PTPRQ: variants seen among roughly 807,000 people sequenced by gnomAD.
PTPRQ encodes phosphatidylinositol phosphatase PTPRQ.
PTPRQ carries 199 observed loss-of-function variants against 246.0 expected under a neutral mutation model. That is an observed-to-expected ratio of 0.81 (90% CI 0.72 to 0.91). The LOEUF (loss-of-function observed/expected upper bound fraction) is 0.91, where lower values mean the gene tolerates loss of function less well. Ranked by LOEUF, PTPRQ falls within the 40% of genes least tolerant of loss-of-function variation. PTPRQ has a pLI of 0.00. For synonymous variants in PTPRQ, 869 were observed against 853.2 expected (o/e 1.02, Z -0.32); for missense variants, 2,624 against 2,528.4 (o/e 1.04, Z -0.81).
chr12:80,676,650 A>G (rs570543393), intron 43 of PTPRQ, among the ~76,000 whole-genome samples: 1 of 152,118 alleles, frequency 6.6e-6, no homozygotes, highest in Non-Finnish European at 1.5e-5. Flanking sequence ...GCAAACAACA[A>G]CAACAACAAA....
chr12:80,528,419 G>A (rs1190085845), intron 17 of PTPRQ, among the ~76,000 whole-genome samples: 2 of 151,898 alleles, frequency 1.3e-5, no homozygotes, highest in Admixed American at 6.6e-5. Flanking sequence ...TATATTTTAG[G>A]CCCTCAATAA....
intron 17 of PTPRQ, among the ~76,000 whole-genome samples, chr12:80,513,225 T>C (rs1053645670): frequency 6.6e-6 from 1 of 152,080 alleles, no homozygotes; most frequent in African/African-American, 2.4e-5. Flanking sequence ...GCACGATTTA[T>C]TGAGTGGAGA....
intron 3 of PTPRQ, among the ~76,000 whole-genome samples, chr12:80,452,286 A>ACAGCACACTGATGGGTCTTGACT (rs1892790928): frequency 6.6e-6 from 1 of 151,108 alleles, no homozygotes; most frequent in African/African-American, 2.4e-5. Flanking sequence ...TTTCCTGAAT[A>ACAGCACACTGATGGGTCTTGACT]CAGCACACTG....
At chr12:80,457,905 T>C (rs1356857395) in intron 4 of PTPRQ, among the ~76,000 whole-genome samples, 2 of 152,008 alleles carry the variant, frequency 1.3e-5, no homozygotes, top group African/African-American at 4.8e-5. Flanking sequence ...CATAGACTTA[T>C]CATATAAAAA....
chr12:80,664,272 A>G (rs2121267606), intron 39 of PTPRQ, among the ~76,000 whole-genome samples: 1 of 151,922 alleles, frequency 6.6e-6, no homozygotes, highest in South Asian at 2.1e-4. Context: ...TATATTCCTC[A>G]TTTTCACCTA....
chr12:80,484,306 C>G (rs960805213), intron 8 of PTPRQ, 127 bp from the exon 9 acceptor site: 41 of 1,201,750 alleles, frequency 3.4e-5, no homozygotes, highest in Non-Finnish European at 4.6e-5. Flanking sequence ...CGCACCTAGC[C>G]TAGTCTGTTT....
At chr12:80,513,540 G>A (rs765920279) in intron 17 of PTPRQ, among the ~76,000 whole-genome samples, 10 of 152,088 alleles carry the variant, frequency 6.6e-5, no homozygotes, top group Non-Finnish European at 1.0e-4. Flanking sequence ...TGGTGGGCCA[G>A]GGTGGTGTTG....
At chr12:80,508,421 G>T (rs1243055426) in intron 16 of PTPRQ, among the ~76,000 whole-genome samples, 1 of 151,994 alleles carries the variant, frequency 6.6e-6, no homozygotes, top group African/African-American at 2.4e-5. Context: ...GTTACTCTGG[G>T]GTGTGAGGTA....
chr12:80,612,622 T>G (rs1479100346), intron 28 of PTPRQ, among the ~76,000 whole-genome samples: 1 of 150,486 alleles, frequency 6.6e-6, no homozygotes, highest in African/African-American at 2.4e-5. Context: ...AAAATAATTT[T>G]GCAGCCACTT....
At chr12:80,517,498 T>C (rs1592604971) in intron 17 of PTPRQ, among the ~76,000 whole-genome samples, 2 of 152,272 alleles carry the variant, frequency 1.3e-5, no homozygotes, top group East Asian at 3.9e-4. Flanking sequence ...GTCCTTAGTG[T>C]TATAAACAAT....
intron 17 of PTPRQ, among the ~76,000 whole-genome samples, chr12:80,524,363 C>T (rs930552334): frequency 4.6e-5 from 7 of 152,030 alleles, no homozygotes; most frequent in South Asian, 2.1e-4. Flanking sequence ...TTGCCTGTCG[C>T]CATTAAGACA....
At chr12:80,670,825 A>G (rs1401389457) in intron 42 of PTPRQ, among the ~76,000 whole-genome samples, 1 of 152,060 alleles carries the variant, frequency 6.6e-6, no homozygotes, top group Admixed American at 6.6e-5. Context: ...GAGATGAAAA[A>G]TTATTATCTA....
rs1444666028 is a variant in PTPRQ, at chr12:80,457,564, G to A, written c.391-11G>A. 9 of 399,978 alleles carry A rather than the reference G, an allele frequency of 2.3e-5. No homozygotes were observed. Among genetic ancestry groups the A allele is most frequent in the Non-Finnish European group, 4.0e-5 (9 of 225,830 alleles). The allele number at this position is 399,978 out of a possible 1,614,324, so 24.8% of individuals were successfully genotyped here. ...AAAATGTTTGAACACAATCCTTTTG[G>A]TCTGTTCTAGGTTGCTGCTGAAAAC... On this transcript the variant is annotated splice_polypyrimidine_tract_variant and intron_variant, in intron 3 of 44. Transcript: ENST00000644991.
chr12:80,555,970 A>G (rs1372787044), intron 25 of PTPRQ, among the ~76,000 whole-genome samples: 1 of 152,190 alleles, frequency 6.6e-6, no homozygotes, highest in African/African-American at 2.4e-5. Context: ...TAATAAAAAC[A>G]TATTTAATAT....
rs961496970 is a variant in PTPRQ, at chr12:80,539,693, C to T, written c.2986-83C>T. 51 of 1,101,626 alleles carry T rather than the reference C, an allele frequency of 4.6e-5. No homozygotes were observed. The South Asian group carries it at 5.1e-4, about 11-fold the overall frequency. 68.2% of individuals were successfully genotyped at this position (1,101,626 alleles called of 1,614,324 possible). A position where few individuals can be genotyped will look rare whatever the true frequency, so the allele number is the denominator to read the frequency against. ...TTAAAATAATGATAAATAGTAAAAT[C>T]GATCCATTGATAACAATTAGTTTGA... On this transcript the variant is annotated intron_variant, in intron 19 of 44. Coordinates refer to ENST00000644991, the MANE Select transcript of PTPRQ (RefSeq NM_001145026.2).
In PTPRQ at chr12:80,459,472, C is replaced by T. The variant is rs548553185; in HGVS notation, c.649C>T (p.Pro217Ser). ...RVEDILTGKL[P>S]ECNENSESFL... ...AGAGGACATTTTGACTGGGAAATTG[C>T]CAGAATGCAATGTAAGTATCACAGA... Residue 217 changes from proline to serine, a missense_variant, in exon 5 of 45, where the codon CCA becomes TCA. Transcript: ENST00000644991. 7.5e-6 allele frequency: 3 copies of T among 398,214 alleles called. No individual in the cohort carries two copies. The South Asian group carries it at 3.8e-4, about 51-fold the overall frequency. The allele number at this position is 398,214 out of a possible 1,614,324, so 24.7% of individuals were successfully genotyped here.
intron 2 of PTPRQ, 31 bp from the exon 3 acceptor site, chr12:80,445,460 C>A: frequency 1.5e-6 from 2 of 1,309,630 alleles, no homozygotes; most frequent in Non-Finnish European, 1.0e-6. Context: ...AATTATTTGA[C>A]CTTTTAACAA....
intron 39 of PTPRQ, among the ~76,000 whole-genome samples, chr12:80,667,926 A>G (rs1431757458): frequency 2.6e-5 from 4 of 151,902 alleles, no homozygotes; most frequent in Admixed American, 2.6e-4. Flanking sequence ...TCTACAAGCA[A>G]ATGTTCCTGG....
At chr12:80,451,086 T>G (rs979887944) in intron 3 of PTPRQ, among the ~76,000 whole-genome samples, 3 of 152,226 alleles carry the variant, frequency 2.0e-5, no homozygotes, top group Non-Finnish European at 4.4e-5. Flanking sequence ...GAGAGTCAAC[T>G]TCTTCCTGGT....
Sources: allele counts gnomAD v4.1 joint callset (sites outside exome capture counted in the v4.1 genomes callset), GRCh38; gene constraint gnomAD v4.1.1; transcripts MANE v1.5; gene names NCBI Gene and HGNC (gene_info 2026-07-23, HGNC 2026-07-21).